Variants in SWAP70 observed in about 807,000 individuals in gnomAD.
SWAP70 encodes switching B cell complex subunit SWAP70.
Under a neutral mutation model 80.2 loss-of-function variants are expected in SWAP70, and 34 were observed. That is an observed-to-expected ratio of 0.42 (90% CI 0.32 to 0.56). SWAP70 has a LOEUF of 0.56. Ranked by LOEUF, SWAP70 falls within the 20% of genes least tolerant of loss-of-function variation. The pLI is 0.09. For missense variants in SWAP70, 578 were observed against 690.7 expected, an observed-to-expected ratio of 0.84 and a Z score of 1.83; for synonymous variants, 239 against 238.5, an observed-to-expected ratio of 1.00 and a Z score of -0.02.
At chr11:9,714,750 G>A (rs909546010) in intron 3 of SWAP70, among the ~76,000 whole-genome samples, 1 of 151,718 alleles carries the variant, frequency 6.6e-6, no homozygotes, top group Non-Finnish European at 1.5e-5. Context: ...TGACTGAGTT[G>A]CCAGTCAGGA....
At chr11:9,716,316 G>A (rs1189625209) in intron 3 of SWAP70, among the ~76,000 whole-genome samples, 1 of 152,180 alleles carries the variant, frequency 6.6e-6, no homozygotes, top group African/African-American at 2.4e-5. Flanking sequence ...AGGCCAGATG[G>A]GAAGAACCTA....
rs756992212 is a variant in SWAP70, at chr11:9,732,589, G to A, written c.959G>A (p.Arg320His). Residue 320 changes from arginine (R) to histidine (H), a missense_variant, in exon 7 of 12, where the codon CGC (arginine) becomes CAC (histidine). Coordinates refer to ENST00000318950, the MANE Select transcript of SWAP70 (RefSeq NM_015055.4). ...AGCCCTCCACCACACAAAGAAGCCC[G>A]CCAGCGTCGGAAAGAACTCCGGAAG... ...LGSPPPHKEARQRRKELRKKQ... is the reference protein window; with the variant it reads ...LGSPPPHKEAHQRRKELRKKQ... 11 of 1,602,694 alleles carry A rather than the reference G, an allele frequency of 6.9e-6. No individual in the cohort carries two copies. The East Asian group carries it at 1.6e-4, about 23-fold the overall frequency.
At chr11:9,729,499 ACTTT>A (rs777996299) in intron 6 of SWAP70, 48 bp downstream of exon 6, 4 of 1,405,466 alleles carry the variant, frequency 2.8e-6, no homozygotes, top group South Asian at 2.5e-5. Context: ...GAAAGCTCTG[ACTTT>A]CTTTTTTTTT....
chr11:9,729,503 T>TC (rs1231501951), intron 6 of SWAP70, 52 bp downstream of exon 6: 15 of 1,373,964 alleles, frequency 1.1e-5, no homozygotes, highest in African/African-American at 9.3e-5. Flanking sequence ...GCTCTGACTT[T>TC]CTTTTTTTTT....
intron 1 of SWAP70, among the ~76,000 whole-genome samples, chr11:9,680,671 C>T (rs529924777): frequency 6.6e-6 from 1 of 152,292 alleles, no homozygotes; most frequent in South Asian, 2.1e-4. Context: ...CCGCCACAGC[C>T]TCCTGAAGTG....
chr11:9,664,122 C>T lies in SWAP70; in HGVS notation c.-58C>T, dbSNP rs1273714336. The T allele has an allele frequency of 1.3e-6, 2 of 1,495,162 alleles. No individual in the cohort carries two copies. Among genetic ancestry groups the T allele is most frequent in the African/African-American group, 1.4e-5 (1 of 69,358 alleles). 92.6% of individuals were successfully genotyped at this position (1,495,162 alleles called of 1,614,324 possible). A position where few individuals can be genotyped will look rare whatever the true frequency, so the allele number is the denominator to read the frequency against. On this transcript the variant is annotated 5_prime_UTR_variant, in exon 1 of 12. Coordinates refer to ENST00000318950, the MANE Select transcript of SWAP70 (RefSeq NM_015055.4). The stretch of plus-strand genomic sequence containing the variant: ...GTGGCTGCGGAGGTTGAGGGGCGTC[C>T]GAGGCGCGGAGGGGCTGGCTGGGCA...
rs57590750 is a variant in SWAP70 at position 9,672,195 on chromosome 11, CTATA to C, written c.99+7947_99+7950del. ...TATATATATACATATATGTGTGTGT[CTATA>C]TATATATATATATATATATATATAT... is the stretch of plus-strand genomic sequence containing the variant. On this transcript the variant is annotated intron_variant, in intron 1 of 11. Coordinates refer to ENST00000318950, the MANE Select transcript of SWAP70 (RefSeq NM_015055.4). 5.8e-3 allele frequency among the ~76,000 whole-genome samples: 455 copies of C among 78,414 alleles called. 3 individuals are homozygous for C. Among genetic ancestry groups the C allele is most frequent in the Middle Eastern group, 0.029 (2 of 68 alleles). 51.4% of individuals were successfully genotyped at this position (78,414 alleles called of 152,430 possible).
At chr11:9,667,396 A>G (rs1466177571) in intron 1 of SWAP70, among the ~76,000 whole-genome samples, 4 of 151,934 alleles carry the variant, frequency 2.6e-5, no homozygotes, top group South Asian at 4.2e-4. Context: ...GCTCACAGGC[A>G]TGAGCCACCA....
At chr11:9,684,918 GC>G (rs1462694538) in intron 1 of SWAP70, among the ~76,000 whole-genome samples, 1 of 152,158 alleles carries the variant, frequency 6.6e-6, no homozygotes, top group Non-Finnish European at 1.5e-5. Flanking sequence ...AATACGTATT[GC>G]ACAGATGGCT....
chr11:9,713,475 A>G lies in SWAP70; in HGVS notation c.250A>G (p.Asn84Asp), dbSNP rs753192517. 1 of 1,610,918 alleles carries G rather than the reference A, an allele frequency of 6.2e-7. No individual in the cohort carries two copies. ...CCTTATTCCTTTTTAGGTCCAAGAC[A>G]ACTTTGACAAGATTGAATTCAATAG... is the stretch of plus-strand genomic sequence containing the variant. Reference protein sequence around the residue: ...NRFILEKVQDNFDKIEFNRMC... With the variant: ...NRFILEKVQDDFDKIEFNRMC... The change falls in exon 3 of 12, where the codon AAC becomes GAC. Residue 84 changes from asparagine (N) to aspartate (D), a missense_variant. By Grantham distance (23) the Asn-to-Asp change is conservative (BLOSUM62 1). Transcript: ENST00000318950.
chr11:9,749,641 G>C (rs1365380179), intron 11 of SWAP70, among the ~76,000 whole-genome samples: 1 of 152,192 alleles, frequency 6.6e-6, no homozygotes, highest in Non-Finnish European at 1.5e-5. Context: ...AAACCAAGCT[G>C]TTCAGGATAA....
chr11:9,709,955 TAAG>T (rs1217865362), intron 2 of SWAP70, among the ~76,000 whole-genome samples: 2 of 152,242 alleles, frequency 1.3e-5, no homozygotes, highest in Admixed American at 6.5e-5. Flanking sequence ...AAAATGTTAT[TAAG>T]AAGATCATAA....
intron 1 of SWAP70, among the ~76,000 whole-genome samples, chr11:9,693,118 A>G (rs982444071): frequency 6.6e-6 from 1 of 152,240 alleles, no homozygotes; most frequent in African/African-American, 2.4e-5. Context: ...TATTGAGATG[A>G]ATGTGGCTCC....
intron 1 of SWAP70, among the ~76,000 whole-genome samples, chr11:9,665,102 C>A (rs1850292658): frequency 6.6e-6 from 1 of 152,038 alleles, no homozygotes; most frequent in Admixed American, 6.6e-5. Flanking sequence ...GCAGCTTCTT[C>A]AAAGTAAAAA....
chr11:9,718,610 A>G (rs1296819431), intron 3 of SWAP70, among the ~76,000 whole-genome samples: 1 of 152,256 alleles, frequency 6.6e-6, no homozygotes, highest in East Asian at 1.9e-4. Context: ...AAACAGATAT[A>G]TTTAAAAAAT....
At chr11:9,741,209 G>A (rs1851434315) in intron 9 of SWAP70, 1 of 152,064 alleles carries the variant, frequency 6.6e-6, no homozygotes, top group Non-Finnish European at 1.5e-5. Flanking sequence ...TCTTTAGATA[G>A]GAAGAGAAAG....
chr11:9,677,728 T>C (rs575056512), intron 1 of SWAP70, among the ~76,000 whole-genome samples: 58 of 152,324 alleles, frequency 3.8e-4, no homozygotes, highest in African/African-American at 1.3e-3. Context: ...TTTTATCCTG[T>C]TGTTTTTAGA....
chr11:9,723,440 A>G (rs1239970947), intron 3 of SWAP70, among the ~76,000 whole-genome samples: 9 of 152,202 alleles, frequency 5.9e-5, no homozygotes, highest in Admixed American at 5.9e-4. Flanking sequence ...AGTTGACTTC[A>G]TAGTGGGCCA....
intron 2 of SWAP70, 68 bp from the exon 3 acceptor site, chr11:9,713,398 A>G (rs1390679): frequency 0.33 from 486,451 of 1,461,096 alleles, 82,795 homozygotes; most frequent in Non-Finnish European, 0.35. Flanking sequence ...TTGTCTTTCT[A>G]TTTTACTTGC....
Sources: gnomAD v4.1 joint callset for allele counts (sites outside exome capture counted in the v4.1 genomes callset) on GRCh38, gnomAD v4.1.1 for gene constraint, MANE v1.5 for transcripts, NCBI Gene and HGNC (gene_info 2026-07-23, HGNC 2026-07-21) for gene names.